Variants in ARID1B observed in about 807,000 individuals in gnomAD.
The protein encoded by ARID1B is AT-rich interaction domain 1B, also known as AT-rich interactive domain-containing protein 1B.
Under a neutral mutation model 212.3 loss-of-function variants are expected in ARID1B, and 30 were observed. That is an observed-to-expected ratio of 0.14 (90% CI 0.11 to 0.19). ARID1B has a LOEUF of 0.19. ARID1B is among the 10% of genes least tolerant of loss of function. The pLI is 1.00. For synonymous variants in ARID1B, 1,402 were observed against 1,301.7 expected (o/e 1.08, Z -1.66); for missense variants, 2,891 against 3,204.0 (o/e 0.90, Z 2.36).
intron 8 of ARID1B, among the ~76,000 whole-genome samples, chr6:157,161,431 G>GTATATATATA (rs199731974): frequency 6.5e-5 from 9 of 139,374 alleles, no homozygotes; most frequent in African/African-American, 2.5e-4. Context: ...TTGTGTGTGT[G>GTATATATATA]TATATATATA....
chr6:156,996,211 T>A (rs553613857), intron 4 of ARID1B, among the ~76,000 whole-genome samples: 1 of 152,328 alleles, frequency 6.6e-6, no homozygotes, highest in East Asian at 1.9e-4. Flanking sequence ...TGCTATTAGG[T>A]TCTCTCTGCA....
At chr6:156,985,605 C>T (rs1738552857) in intron 4 of ARID1B, 1 of 152,144 alleles carries the variant, frequency 6.6e-6, no homozygotes, top group Non-Finnish European at 1.5e-5. Flanking sequence ...CTTTAGTGTT[C>T]AGCTTCCCAT....
chr6:157,063,711 G>C (rs1487540411), intron 4 of ARID1B, among the ~76,000 whole-genome samples: 1 of 152,248 alleles, frequency 6.6e-6, no homozygotes, highest in Admixed American at 6.5e-5. Flanking sequence ...ATGACTGCCA[G>C]TGGGTAAACC....
chr6:157,021,914 C>T lies in ARID1B; in HGVS notation c.2248-62748C>T, dbSNP rs1002665465. ...CGCTACCTCGCCGCGCGCCCCTAAC[C>T]TCTGCGTCCCGCGTGGCGCGCCCAG... is the stretch of plus-strand genomic sequence containing the variant. On this transcript the variant is annotated intron_variant, in intron 4 of 19. Coordinates refer to ENST00000636930, the MANE Select transcript of ARID1B (RefSeq NM_001374828.1). 2.0e-5 allele frequency among the ~76,000 whole-genome samples: 3 copies of T among 152,342 alleles called. No homozygotes were observed. In the South Asian group the frequency reaches 6.2e-4, roughly 32 times the overall value.
chr6:156,940,550 G>A (rs1032094196), intron 4 of ARID1B: 5 of 152,222 alleles, frequency 3.3e-5, no homozygotes, highest in African/African-American at 1.2e-4. Flanking sequence ...AAAGAGAATG[G>A]TTGGAAAACT....
chr6:156,813,092 A>G (rs1781712007), intron 1 of ARID1B, among the ~76,000 whole-genome samples: 2 of 96,950 alleles, frequency 2.1e-5, no homozygotes, highest in Non-Finnish European at 4.1e-5. Flanking sequence ...GTATGTATAT[A>G]CATACATATA....
rs142753360 is a variant in ARID1B, at chr6:156,931,885, C to T, written c.2137-3581C>T. ...GCTGAGGCAGGAGAATCGCTTCAAC[C>T]CGGGAGGTGGAGATTGCGGTGAGCT... On this transcript the variant is annotated intron_variant, in intron 3 of 19. Coordinates refer to ENST00000636930, the MANE Select transcript of ARID1B (RefSeq NM_001374828.1). 5.4e-3 allele frequency among the ~76,000 whole-genome samples: 818 copies of T among 150,954 alleles called. 13 individuals are homozygous for T. The highest frequency in any genetic ancestry group is 0.019 in the African/African-American group (786 of 40,908).
rs745524201 is a variant in ARID1B, at chr6:157,167,131, A to C, written c.3181A>C (p.Asn1061His). Reference sequence around the variant, plus strand: ...CATGAACAACAGCTCTAGCCTGATGAACACGCAGGCGCCGCCCTACAGCAT... The same window carrying C: ...CATGAACAACAGCTCTAGCCTGATGCACACGCAGGCGCCGCCCTACAGCAT... ...QPMNNSSSLM[N>H]TQAPPYSMAP... Residue 1061 changes from asparagine to histidine, a missense_variant, in exon 9 of 20, where the codon AAC becomes CAC. Physicochemically the swap from Asn to His is moderately conservative, Grantham distance 68 (BLOSUM62 1). Coordinates refer to ENST00000636930, the MANE Select transcript of ARID1B (RefSeq NM_001374828.1). The C allele has an allele frequency of 3.7e-6, 6 of 1,611,688 alleles. No individual in the cohort carries two copies. The African/African-American group carries it at 8.0e-5, about 22-fold the overall frequency.
At chr6:157,068,749 C>T (rs1783833366) in intron 4 of ARID1B, among the ~76,000 whole-genome samples, 1 of 152,218 alleles carries the variant, frequency 6.6e-6, no homozygotes, top group Non-Finnish European at 1.5e-5. Flanking sequence ...CATACACCCT[C>T]TCACACACGT....
chr6:157,136,553 A>T (rs1788922414), intron 7 of ARID1B, among the ~76,000 whole-genome samples: 1 of 152,240 alleles, frequency 6.6e-6, no homozygotes, highest in Non-Finnish European at 1.5e-5. Context: ...AGAAACAGGC[A>T]TGGAAACATA....
intron 2 of ARID1B, among the ~76,000 whole-genome samples, chr6:156,881,057 C>T (rs920943425): frequency 2.6e-5 from 4 of 152,174 alleles, no homozygotes; most frequent in African/African-American, 9.7e-5. Context: ...AATGCACTGA[C>T]AGTGACAGCG....
intron 4 of ARID1B, among the ~76,000 whole-genome samples, chr6:157,058,851 T>C (rs944313268): frequency 3.3e-5 from 5 of 152,032 alleles, no homozygotes; most frequent in Non-Finnish European, 5.9e-5. Context: ...AGAGGGAAAA[T>C]ACCACGTGGT....
intron 3 of ARID1B, among the ~76,000 whole-genome samples, chr6:156,929,461 C>G (rs188323834): frequency 1.1e-4 from 17 of 152,288 alleles, no homozygotes; most frequent in East Asian, 3.9e-4. Flanking sequence ...ACCTCTCCCC[C>G]ACCCTCACAT....
chr6:156,952,720 G>A (rs1440114010), intron 4 of ARID1B, among the ~76,000 whole-genome samples: 1 of 152,214 alleles, frequency 6.6e-6, no homozygotes, highest in Admixed American at 6.5e-5. Flanking sequence ...GCTCCTGTTA[G>A]TAAGGGAACT....
chr6:156,797,534 C>T (rs1428962152), intron 1 of ARID1B, among the ~76,000 whole-genome samples: 1 of 152,168 alleles, frequency 6.6e-6, no homozygotes, highest in Non-Finnish European at 1.5e-5. Flanking sequence ...CCTTTATTTC[C>T]TCAAGGCTGG....
intron 13 of ARID1B, among the ~76,000 whole-genome samples, chr6:157,188,045 G>A (rs1793103090): frequency 1.3e-5 from 2 of 151,986 alleles, no homozygotes; most frequent in South Asian, 4.2e-4. Context: ...TGTTTCCAGG[G>A]TTTTACGCAA....
At chr6:157,059,108 GTGTGGTATC>G (rs1783171403) in intron 4 of ARID1B, among the ~76,000 whole-genome samples, 1 of 151,692 alleles carries the variant, frequency 6.6e-6, no homozygotes, top group African/African-American at 2.4e-5. Context: ...TATCGACAGT[GTGTGGTATC>G]TGTTGGCATG....
chr6:156,931,995 C>T (rs899810120), intron 3 of ARID1B, among the ~76,000 whole-genome samples: 5 of 144,644 alleles, frequency 3.5e-5, no homozygotes, highest in Non-Finnish European at 1.5e-5. Context: ...ATCAGCCAGG[C>T]ATAGTGGTAT....
chr6:156,856,983 T>G (rs893384599), intron 2 of ARID1B, among the ~76,000 whole-genome samples: 4 of 152,150 alleles, frequency 2.6e-5, no homozygotes, highest in African/African-American at 7.2e-5. Context: ...CCAGAAGGGC[T>G]TGCAGTTGGA....
Sources: allele counts gnomAD v4.1 joint callset (sites outside exome capture counted in the v4.1 genomes callset), GRCh38; gene constraint gnomAD v4.1.1; transcripts MANE v1.5; gene names NCBI Gene and HGNC (gene_info 2026-07-23, HGNC 2026-07-21).